IL34: variants seen among roughly 807,000 people sequenced by gnomAD.
The protein encoded by IL34 is interleukin-34.
A neutral mutation model predicts 25.3 loss-of-function variants in IL34; 17 were observed. The ratio of observed to expected loss-of-function variants is 0.67; its 90% confidence interval spans 0.46 to 1.01. The LOEUF is 1.01. IL34 is among the 50% of genes least tolerant of loss of function. The probability of loss-of-function intolerance (pLI) is 0.00; values close to 1 mark genes in which losing one functional copy is unlikely to be tolerated. For synonymous variants in IL34, 174 were observed against 140.9 expected, an observed-to-expected ratio of 1.23 and a Z score of -1.66; for missense variants, 368 against 312.9, an observed-to-expected ratio of 1.18 and a Z score of -1.33.
At chr16:70,599,329 C>CTT (rs1413713551) in intron 1 of IL34, among the ~76,000 whole-genome samples, 8 of 120,990 alleles carry the variant, frequency 6.6e-5, no homozygotes, top group Admixed American at 3.5e-4. Flanking sequence ...TTCTTTCTTT[C>CTT]TCTCTTTCTT....
At chr16:70,631,422 T>G (rs1487689616) in intron 1 of IL34, among the ~76,000 whole-genome samples, 1 of 152,244 alleles carries the variant, frequency 6.6e-6, no homozygotes, top group East Asian at 1.9e-4. Flanking sequence ...ACTACAGTCT[T>G]TTCCAATTTA....
At chr16:70,605,648 A>G (rs74874820) in intron 1 of IL34, among the ~76,000 whole-genome samples, 1 of 152,118 alleles carries the variant, frequency 6.6e-6, no homozygotes, top group African/African-American at 2.4e-5. Flanking sequence ...ATTTGTTACA[A>G]TGAGACCTCT....
At chr16:70,634,283 A>G (rs906348455) in intron 1 of IL34, among the ~76,000 whole-genome samples, 4 of 150,092 alleles carry the variant, frequency 2.7e-5, no homozygotes, top group African/African-American at 9.8e-5. Context: ...GATTCCAGGT[A>G]AGATATGAAC....
At position 70,657,077 on chromosome 16, in the gene IL34, C is replaced by A. The variant is rs1398726817; in HGVS notation, c.358C>A (p.Gln120Lys). The change falls in exon 4 of 6, where the codon CAG (glutamine) becomes AAG (lysine). Residue 120 changes from glutamine (Q) to lysine (K), a missense_variant. Coordinates refer to ENST00000288098, the MANE Select transcript of IL34 (RefSeq NM_001393494.1). ...LEGHPSWKYL[Q>K]EVETLLLNVQ... is the part of the protein sequence containing the mutation. Reference sequence around the variant, plus strand: ...GGGCCACCCATCCTGGAAGTACCTGCAGGAGGTGGAGACGCTGCTGCTGAA... The same window carrying A: ...GGGCCACCCATCCTGGAAGTACCTGAAGGAGGTGGAGACGCTGCTGCTGAA... The A allele has an allele frequency of 3.1e-6, 5 of 1,613,200 alleles. No individual in the cohort carries two copies. In the South Asian group the frequency reaches 5.5e-5, roughly 18 times the overall value.
At chr16:70,628,539 T>A (rs1458558976) in intron 1 of IL34, among the ~76,000 whole-genome samples, 2 of 151,732 alleles carry the variant, frequency 1.3e-5, no homozygotes. Flanking sequence ...CAGGCTGGAA[T>A]GCAATGGTAT....
At chr16:70,587,531 A>C (rs1306676391) in intron 1 of IL34, among the ~76,000 whole-genome samples, 4 of 151,826 alleles carry the variant, frequency 2.6e-5, no homozygotes, top group African/African-American at 9.7e-5. Flanking sequence ...TCGGCGTCCC[A>C]AAGGGCTGGG....
At chr16:70,626,556 C>T (rs1435838414) in intron 1 of IL34, among the ~76,000 whole-genome samples, 1 of 152,096 alleles carries the variant, frequency 6.6e-6, no homozygotes, top group Non-Finnish European at 1.5e-5. Context: ...GCCACCACGC[C>T]CGGCTAATTT....
chr16:70,657,161 G>GTACACACA, intron 4 of IL34, 40 bp downstream of exon 4: 2 of 1,595,072 alleles, frequency 1.3e-6, no homozygotes, highest in Non-Finnish European at 1.7e-6. Flanking sequence ...GTGTGTGTGT[G>GTACACACA]TGCACACGTG....
rs374264078 is a variant in IL34 at position 70,598,386 on chromosome 16, G to A, written c.-401+18337G>A. Among the ~76,000 whole-genome samples, 7 of 152,102 alleles carry A rather than the reference G, an allele frequency of 4.6e-5. No homozygotes were observed. In the South Asian group the frequency reaches 1.2e-3, roughly 27 times the overall value. On this transcript the variant is annotated intron_variant, in intron 1 of 6. Coordinates refer to the IL34 transcript ENST00000429149. ...CATAAAGTAATGTTTTCCTCAGGCC[G>A]CGCCCCTGCTCAAGAACCTGCACTG...
intron 4 of IL34, among the ~76,000 whole-genome samples, chr16:70,657,823 A>G (rs964687794): frequency 6.6e-6 from 1 of 152,210 alleles, no homozygotes; most frequent in Non-Finnish European, 1.5e-5. Flanking sequence ...TTCATGTTGT[A>G]TACATGACAT....
intron 1 of IL34, among the ~76,000 whole-genome samples, chr16:70,622,718 C>A (rs2151839400): frequency 6.6e-6 from 1 of 151,762 alleles, no homozygotes; most frequent in East Asian, 1.9e-4. Context: ...AATTGTGGGA[C>A]TTAAAGAGTG....
At chr16:70,610,217 A>T (rs1388964752) in intron 1 of IL34, among the ~76,000 whole-genome samples, 1 of 151,982 alleles carries the variant, frequency 6.6e-6, no homozygotes, top group Non-Finnish European at 1.5e-5. Context: ...AAAAAAAAAA[A>T]AAGTGAACGT....
At chr16:70,634,617 T>G (rs1261739809) in intron 1 of IL34, among the ~76,000 whole-genome samples, 2 of 151,376 alleles carry the variant, frequency 1.3e-5, no homozygotes, top group East Asian at 3.9e-4. Flanking sequence ...GAGGCGGAGG[T>G]TGCAGTGAGC....
rs1271858514 is a variant in IL34, at chr16:70,581,414, TTGGTATTTGAAGTTATTGTTTTTTC to T, written c.-401+1366_-401+1390del. On this transcript the variant is annotated intron_variant, in intron 1 of 6. Transcript: ENST00000429149. ...TGTGGAAATAACTTTTTTTTTTTTTTTGGTATTTGAAGTTATTGTTTTTTCCCCCCTTTTCCTTGGAGTGTATTCT... is the reference window on the plus strand; with the variant it reads ...TGTGGAAATAACTTTTTTTTTTTTTTCCCCCTTTTCCTTGGAGTGTATTCT... Among the ~76,000 whole-genome samples the T allele has an allele frequency of 5.3e-3, 807 of 152,172 alleles. 2 individuals are homozygous for T. Among genetic ancestry groups the T allele is most frequent in the African/African-American group, 0.018 (761 of 41,468 alleles).
intron 1 of IL34, among the ~76,000 whole-genome samples, chr16:70,628,288 C>G (rs1293370406): frequency 6.6e-6 from 1 of 152,130 alleles, no homozygotes; most frequent in East Asian, 1.9e-4. Context: ...GTTAAATCTT[C>G]CCATCCAAGA....
At chr16:70,589,622 A>ATTT (rs34813482) in intron 1 of IL34, among the ~76,000 whole-genome samples, 2 of 136,746 alleles carry the variant, frequency 1.5e-5, no homozygotes, top group African/African-American at 5.4e-5. Flanking sequence ...TTTTACCATG[A>ATTT]TTTTTTTTTT....
chr16:70,596,061 G>C (rs563832376), intron 1 of IL34, among the ~76,000 whole-genome samples: 1 of 151,796 alleles, frequency 6.6e-6, no homozygotes, highest in Non-Finnish European at 1.5e-5. Flanking sequence ...GTAAACAACA[G>C]AAGTGTATTG....
intron 1 of IL34, among the ~76,000 whole-genome samples, chr16:70,599,462 T>C (rs1307950645): frequency 1.3e-5 from 2 of 151,850 alleles, no homozygotes; most frequent in African/African-American, 2.4e-5. Context: ...GTTCAAGCGA[T>C]TCTCCTGCCT....
chr16:70,643,058 TTTTA>T (rs1042274559), upstream of IL34, among the ~76,000 whole-genome samples: 50 of 151,644 alleles, frequency 3.3e-4, 1 homozygote, highest in Admixed American at 1.2e-3. Context: ...TATTATTTAT[TTTTA>T]TTTATTTTTA....
Sources: gnomAD v4.1 joint callset for allele counts (sites outside exome capture counted in the v4.1 genomes callset) on GRCh38, gnomAD v4.1.1 for gene constraint, MANE v1.5 for transcripts, NCBI Gene and HGNC (gene_info 2026-07-23, HGNC 2026-07-21) for gene names.